MUC4: variants seen among roughly 807,000 people sequenced by gnomAD.
The protein encoded by MUC4 is mucin-4.
A neutral mutation model predicts 257.9 loss-of-function variants in MUC4; 202 were observed. That is an observed-to-expected ratio of 0.78 (90% CI 0.70 to 0.88). The LOEUF (loss-of-function observed/expected upper bound fraction) is 0.88. MUC4 is among the 40% of genes least tolerant of loss of function. The pLI, the probability that MUC4 is intolerant of heterozygous loss-of-function variation, is 0.00. For missense variants in MUC4, 5,976 were observed against 6,513.7 expected, an observed-to-expected ratio of 0.92 and a Z score of 2.84; for synonymous variants, 2,351 against 2,757.1, an observed-to-expected ratio of 0.85 and a Z score of 4.62.
intron 1 of MUC4, among the ~76,000 whole-genome samples, chr3:195,811,255 C>A (rs957294555): frequency 1.9e-4 from 29 of 151,958 alleles, no homozygotes; most frequent in Admixed American, 5.2e-4. Context: ...CTCACTGCAA[C>A]CTCCACCTCC....
At chr3:195,759,082 T>C (rs1718255023) in intron 17 of MUC4, 42 bp downstream of exon 17, 2 of 1,572,682 alleles carry the variant, frequency 1.3e-6, no homozygotes, top group Non-Finnish European at 1.7e-6. Flanking sequence ...CCTCATCCCC[T>C]ACCCACCTCC....
Position 195,759,258 on chromosome 3 carries a change from T to C in MUC4, c.14852A>G (p.Gln4951Arg), listed in dbSNP as rs766501314. The change falls in exon 17 of 25, where the codon CAG becomes CGG. Residue 4951 changes from glutamine (Q) to arginine (R), a missense_variant. Coordinates refer to ENST00000463781, the MANE Select transcript of MUC4 (RefSeq NM_018406.7). ...NYEQANATLN[Q>R]YPPSINGGRV... is the part of the protein sequence containing the mutation. ...ACCACCATTGATGGAGGGCGGGTAC[T>C]GATCTGAAACACAAAGAGGGAATGG... The C allele has an allele frequency of 4.3e-6, 7 of 1,613,736 alleles. No individual in the cohort carries two copies. Among genetic ancestry groups the C allele is most frequent in the Admixed American group, 1.7e-5 (1 of 59,988 alleles).
chr3:195,751,275 G>A lies in MUC4; in HGVS notation c.15583-4C>T. The A allele has an allele frequency of 1.2e-6, 2 of 1,603,088 alleles. No individual in the cohort carries two copies. Among genetic ancestry groups the A allele is most frequent in the Non-Finnish European group, 1.7e-6 (2 of 1,175,010 alleles). On this transcript the variant is annotated splice_region_variant and splice_polypyrimidine_tract_variant and intron_variant, in intron 21 of 24. Coordinates refer to ENST00000463781, the MANE Select transcript of MUC4 (RefSeq NM_018406.7). ...GGGTCCCCAGTCTGTATGCCACCTA[G>A]GTTAGAGGATGGCAGATGGGGGTGG...
chr3:195,806,023 C>T (rs1489820594), intron 1 of MUC4, among the ~76,000 whole-genome samples: 1 of 145,718 alleles, frequency 6.9e-6, no homozygotes, highest in Admixed American at 6.9e-5. Flanking sequence ...GGCTGAGGCA[C>T]GAGAATCCCT....
In MUC4 at chr3:195,785,664, G is replaced by C. The variant is rs548098865; in HGVS notation, c.5916C>G (p.Thr1972=). ...PTGHATSLPV[T]DASSVSTGHA... The stretch of plus-strand genomic sequence containing the variant: ...GACCTGTGGACACTGAGGAAGCGTC[G>C]GTGACAGGAAGAGAGGTGGCGTGAC... Residue 1972 remains threonine, a synonymous_variant, in exon 2 of 25, where the codon ACC becomes ACG. Coordinates refer to ENST00000463781, the MANE Select transcript of MUC4 (RefSeq NM_018406.7). The C allele has an allele frequency of 6.6e-6, 10 of 1,511,726 alleles. No individual in the cohort carries two copies. The South Asian group carries it at 7.3e-5, about 11-fold the overall frequency. The allele number at this position is 1,511,726 out of a possible 1,614,324, so 93.6% of individuals were successfully genotyped here. A position where few individuals can be genotyped will look rare whatever the true frequency, so the allele number is the denominator to read the frequency against.
Position 195,783,975 on chromosome 3 carries a change from G to A in MUC4, c.7605C>T (p.Ser2535=), listed in dbSNP as rs771168932. The part of the protein sequence containing the change: ...DTTPLPVTNA[S]SLSTRHATSL... ...AGGTGGCGTGACGTGTGGATAATGA[G>A]GAAGCATTGGTGACAGGAAGAGGGG... The change falls in exon 2 of 25, where the codon TCC becomes TCT. Residue 2535 remains serine, a synonymous_variant. Transcript: ENST00000463781. The A allele has an allele frequency of 2.8e-5, 43 of 1,525,444 alleles. 1 individual carries two copies. The South Asian group carries it at 2.9e-4, about 10-fold the overall frequency. The allele number at this position is 1,525,444 out of a possible 1,614,324, so 94.5% of individuals were successfully genotyped here. A position where few individuals can be genotyped will look rare whatever the true frequency, so the allele number is the denominator to read the frequency against.
Position 195,757,133 on chromosome 3 carries a change from C to T in MUC4, c.15168+14G>A. 6.3e-7 allele frequency: 1 copy of T among 1,582,542 alleles called. No homozygotes were observed. The highest frequency in any genetic ancestry group is 1.1e-5 in the South Asian group (1 of 89,556). On this transcript the variant is annotated intron_variant, in intron 18 of 24. Transcript: ENST00000463781. This position sits in a 1 kb window ranked among gnomAD's most constrained non-coding sequence, Gnocchi z 4.8. ...CTCGGCACAGAAACTCCTCCCCCAC[C>T]TCCCAACACTCACCTCCAGGGAGGA...
intron 2 of MUC4, 49 bp downstream of exon 2, chr3:195,778,741 C>A: frequency 6.5e-7 from 1 of 1,535,062 alleles, no homozygotes. Flanking sequence ...GGCTGAATTC[C>A]GCCAAGGGGC....
intron 3 of MUC4, among the ~76,000 whole-genome samples, chr3:195,775,908 TACCTTCCACACCC>T (rs1724523636): frequency 8.9e-6 from 1 of 112,352 alleles, no homozygotes; most frequent in Non-Finnish European, 1.8e-5. Context: ...TCCACACCCA[TACCTTCCACACCC>T]ATACCTTCCA....
Position 195,779,660 on chromosome 3 carries a change from G to GTGTC in MUC4, c.11919_11920insGACA (p.Arg3974AspfsTer73). 1 of 392,338 alleles carries GTGTC rather than the reference G, an allele frequency of 2.5e-6. No individual in the cohort carries two copies. Among genetic ancestry groups the GTGTC allele is most frequent in the Non-Finnish European group, 3.5e-6 (1 of 289,416 alleles). The allele number at this position is 392,338 out of a possible 1,614,324, so 24.3% of individuals were successfully genotyped here. On this transcript the variant is annotated frameshift_variant, in exon 2 of 25. Coordinates refer to ENST00000463781, the MANE Select transcript of MUC4 (RefSeq NM_018406.7). LOFTEE classifies it high-confidence loss of function. The stretch of plus-strand genomic sequence containing the variant: ...GCGTGACCTGTGGATGCTGAGGAAC[G>GTGTC]GCTGGTGACAGGAAGAGAGGTGGCG...
chr3:195,770,386 C>A lies in MUC4; in HGVS notation c.13243-15G>T, dbSNP rs770808448. The stretch of plus-strand genomic sequence containing the variant: ...GTCTCGTATTCCTAGGAAAGGAGGG[C>A]AGATGAAAACAAGCCAACGAGGGTC... On this transcript the variant is annotated splice_polypyrimidine_tract_variant and intron_variant, in intron 5 of 24. Coordinates refer to ENST00000463781, the MANE Select transcript of MUC4 (RefSeq NM_018406.7). 4 of 1,612,880 alleles carry A rather than the reference C, an allele frequency of 2.5e-6. No individual in the cohort carries two copies. The Admixed American group carries it at 6.7e-5, about 27-fold the overall frequency.
chr3:195,754,690 G>A lies in MUC4; in HGVS notation c.15169-318C>T, dbSNP rs534042966. On this transcript the variant is annotated intron_variant, in intron 18 of 24. Transcript: ENST00000463781. ...TGAAATCCTTTCTAGAGTAAGATGGGGGATGCATGAATGATTGAAGCATGA... is the reference window on the plus strand; with the variant it reads ...TGAAATCCTTTCTAGAGTAAGATGGAGGATGCATGAATGATTGAAGCATGA... Among the ~76,000 whole-genome samples the A allele has an allele frequency of 6.0e-5, 9 of 151,148 alleles. No homozygotes were observed. In the East Asian group the frequency reaches 1.6e-3, roughly 26 times the overall value.
Position 195,748,889 on chromosome 3 carries a change from C to T in MUC4, c.16034+13G>A. 1 of 1,554,702 alleles carries T rather than the reference C, an allele frequency of 6.4e-7. No individual in the cohort carries two copies. The highest frequency in any genetic ancestry group is 8.7e-7 in the Non-Finnish European group (1 of 1,153,288). ...AGCACTGTCCTCCACCTCCTGGCCA[C>T]AGCCCTATGCACCTGCAGCGGGGCC... On this transcript the variant is annotated intron_variant, in intron 24 of 24. Coordinates refer to ENST00000463781, the MANE Select transcript of MUC4 (RefSeq NM_018406.7).
chr3:195,747,438 C>A (rs576219672), intron 24 of MUC4, 58 bp from the exon 25 acceptor site: 915 of 1,555,756 alleles, frequency 5.9e-4, no homozygotes, highest in Non-Finnish European at 7.1e-4. Context: ...CTCCCAGCCC[C>A]TCCTCTTCTG....
chr3:195,799,643 G>A (rs1452764538), intron 1 of MUC4, among the ~76,000 whole-genome samples: 2 of 152,154 alleles, frequency 1.3e-5, no homozygotes, highest in African/African-American at 4.8e-5. Context: ...AGCTCATATT[G>A]TTAACTTACT....
intron 3 of MUC4, among the ~76,000 whole-genome samples, chr3:195,776,084 C>G (rs1165966504): frequency 7.5e-5 from 2 of 26,654 alleles, no homozygotes; most frequent in Admixed American, 6.0e-4. Flanking sequence ...ACCTTCCACA[C>G]CCATACCTTC....
rs903998913 is a variant in MUC4, at chr3:195,753,062, G to T, written c.15497C>A (p.Thr5166Asn). 3.9e-5 allele frequency: 63 copies of T among 1,612,206 alleles called. No individual in the cohort carries two copies. Among genetic ancestry groups the T allele is most frequent in the Non-Finnish European group, 5.3e-5 (62 of 1,179,356 alleles). The stretch of plus-strand genomic sequence containing the variant: ...GTCTCTGGCGGTACCTAGGTTGACA[G>T]TTGGACTGAAGTTGTTCCCAGCCAG... ...CFLAGNNFSP[T>N]VNLELPLRVI... is the part of the protein sequence containing the mutation. The change falls in exon 20 of 25, where the codon ACT (threonine) becomes AAT (asparagine). Residue 5166 changes from threonine (T) to asparagine (N), a missense_variant. Thr to Asn is a moderately conservative substitution (Grantham distance 65, BLOSUM62 0). This residue lies in a region of MUC4 where 996 missense variants were observed against 1,137.3 expected (regional missense o/e 0.88). Transcript: ENST00000463781.
intron 4 of MUC4, among the ~76,000 whole-genome samples, chr3:195,772,310 AC>A (rs1440049603): frequency 6.8e-6 from 1 of 148,076 alleles, no homozygotes; most frequent in African/African-American, 2.5e-5. Context: ...AGGGGGTGGA[AC>A]CCTCTATCTA....
chr3:195,783,097 C>G lies in MUC4; in HGVS notation c.8483G>C (p.Gly2828Ala), dbSNP rs761700619. 1 of 704,614 alleles carries G rather than the reference C, an allele frequency of 1.4e-6. No homozygotes were observed. The highest frequency in any genetic ancestry group is 2.1e-5 in the South Asian group (1 of 46,904). 43.6% of individuals were successfully genotyped at this position (704,614 alleles called of 1,614,324 possible). A position where few individuals can be genotyped will look rare whatever the true frequency, so the allele number is the denominator to read the frequency against. ...GGTGACAGGAAGAGAGGTGGCATGA[C>G]CTGTGAACACTGAGGAAGCGTCGGT... ...PVTDASSVFT[G>A]HATSLPVTIP... Residue 2828 changes from glycine to alanine, a missense_variant, in exon 2 of 25, where the codon GGT becomes GCT. Gly to Ala is a moderately conservative substitution (Grantham distance 60). This residue lies in a region of MUC4 where 228 missense variants were observed against 206.3 expected (regional missense o/e 1.11). Coordinates refer to ENST00000463781, the MANE Select transcript of MUC4 (RefSeq NM_018406.7).
Sources: allele counts gnomAD v4.1 joint callset (sites outside exome capture counted in the v4.1 genomes callset), GRCh38; gene constraint gnomAD v4.1.1; regional missense constraint gnomAD v4.1.1; non-coding constraint Gnocchi (gnomAD v3.1); transcripts MANE v1.5; gene names NCBI Gene and HGNC (gene_info 2026-07-23, HGNC 2026-07-21).